The following POLQ variants were observed in gnomAD, a reference collection of about 807,000 sequenced individuals.
The protein encoded by POLQ is epididymis secretory sperm binding protein.
In POLQ, 233 loss-of-function variants were observed where a neutral mutation model predicts 259.2. The ratio of observed to expected loss-of-function variants is 0.90; its 90% confidence interval spans 0.81 to 1.00. The LOEUF is 1.00. Among genes scored for constraint, POLQ ranks in the 50% least tolerant of loss-of-function variants. The pLI is 0.00. For synonymous variants in POLQ, 1,025 were observed against 1,048.8 expected, an observed-to-expected ratio of 0.98 and a Z score of 0.44; for missense variants, 2,871 against 3,051.6, an observed-to-expected ratio of 0.94 and a Z score of 1.39.
At chr3:121,503,621 C>A (rs2048188963) in intron 12 of POLQ, among the ~76,000 whole-genome samples, 1 of 152,180 alleles carries the variant, frequency 6.6e-6, no homozygotes, top group Non-Finnish European at 1.5e-5. Context: ...ATAGCTGTCT[C>A]TTGTTATCTG....
At chr3:121,510,750 AG>A (rs944638851) in intron 10 of POLQ, among the ~76,000 whole-genome samples, 39 of 152,300 alleles carry the variant, frequency 2.6e-4, no homozygotes, top group African/African-American at 9.1e-4. Context: ...TAATGACAAC[AG>A]AAAAGTTCTC....
intron 13 of POLQ, 59 bp from the exon 14 acceptor site, chr3:121,496,991 G>C (rs1322976571): frequency 6.4e-7 from 1 of 1,573,512 alleles, no homozygotes; most frequent in Non-Finnish European, 8.6e-7. Context: ...AGGCGATACA[G>C]TGTGTTGAAA....
At chr3:121,452,043 G>C (rs927509668) in intron 25 of POLQ, among the ~76,000 whole-genome samples, 1 of 152,148 alleles carries the variant, frequency 6.6e-6, no homozygotes, top group African/African-American at 2.4e-5. Flanking sequence ...AGACTGCTGT[G>C]CTAGCAATGA....
intron 25 of POLQ, among the ~76,000 whole-genome samples, chr3:121,450,089 T>C (rs2047662133): frequency 6.6e-6 from 1 of 152,224 alleles, no homozygotes; most frequent in African/African-American, 2.4e-5. Flanking sequence ...TGTATCATCT[T>C]GCACAAGTCA....
chr3:121,469,137 G>A (rs1043998027), intron 22 of POLQ, among the ~76,000 whole-genome samples: 4 of 143,270 alleles, frequency 2.8e-5, no homozygotes, highest in Admixed American at 1.5e-4. Flanking sequence ...GCACTGAGCC[G>A]AGATCATGCC....
In POLQ at chr3:121,539,562, C is replaced by T. The variant is rs1281170466; in HGVS notation, c.502G>A (p.Val168Ile). ...QSLFQEVGIKVDGYMGSTSPS... is the reference protein window; with the variant it reads ...QSLFQEVGIKIDGYMGSTSPS... ...GAGGTGCTGCCCATATAACCGTCTA[C>T]TTTTATTCCTACTTCCTGAAACAGA... is the stretch of plus-strand genomic sequence containing the variant. The change falls in exon 4 of 30, where the codon GTA (valine) becomes ATA (isoleucine). Residue 168 changes from valine (V) to isoleucine (I), a missense_variant. This residue lies in a region of POLQ where 783 missense variants were observed against 906.2 expected (regional missense o/e 0.86). Coordinates refer to ENST00000264233, the MANE Select transcript of POLQ (RefSeq NM_199420.4). The T allele has an allele frequency of 1.2e-6, 2 of 1,612,738 alleles. No individual in the cohort carries two copies. Among genetic ancestry groups the T allele is most frequent in the African/African-American group, 1.3e-5 (1 of 74,858 alleles).
Position 121,493,697 on chromosome 3 carries a change from C to T in POLQ, c.2303G>A (p.Arg768His), listed in dbSNP as rs771964128. Reference protein sequence around the residue: ...YAGMITVFSNRLGWHNMELLL... With the variant: ...YAGMITVFSNHLGWHNMELLL... ...TAGTTCCATGTTGTGCCAGCCCAGA[C>T]GGTTGGAAAATACTGTAATCATCCC... is the stretch of plus-strand genomic sequence containing the variant. The change falls in exon 15 of 30, where the codon CGT becomes CAT. Residue 768 changes from arginine to histidine, a missense_variant. Physicochemically the swap from Arg to His is conservative, Grantham distance 29. This residue lies in a region of POLQ where 2,080 missense variants were observed against 2,126.0 expected (regional missense o/e 0.98). Coordinates refer to ENST00000264233, the MANE Select transcript of POLQ (RefSeq NM_199420.4). 77 of 1,613,522 alleles carry T rather than the reference C, an allele frequency of 4.8e-5. No homozygotes were observed. The highest frequency in any genetic ancestry group is 1.6e-4 in the Middle Eastern group (1 of 6,082).
At chr3:121,539,291 A>G in intron 4 of POLQ, 142 bp downstream of exon 4, 1 of 643,716 alleles carries the variant, frequency 1.6e-6, no homozygotes, top group East Asian at 2.8e-5. Flanking sequence ...CGTTCCTAAC[A>G]TTACAGATGC....
intron 14 of POLQ, among the ~76,000 whole-genome samples, chr3:121,495,570 G>A (rs2048112004): frequency 1.3e-5 from 2 of 151,826 alleles, no homozygotes; most frequent in African/African-American, 2.4e-5. Context: ...CCGGCCGGGC[G>A]CGGGTGGCTT....
chr3:121,489,353 T>C lies in POLQ; in HGVS notation c.3578A>G (p.Asn1193Ser), dbSNP rs1347999240. ...YMKHHDIHPI[N>S]QYLRKQSHEQ... ...ATGAGATTGCTTTCGCAGGTACTGG[T>C]TAATTGGATGGATGTCATGGTGTTT... The change falls in exon 16 of 30, where the codon AAC (asparagine) becomes AGC (serine). Residue 1193 changes from asparagine (N) to serine (S), a missense_variant. Asn to Ser is a conservative substitution (Grantham distance 46, BLOSUM62 1). Around this residue, in one of 3 missense-constraint regions of POLQ, gnomAD observed 2,080 missense variants for 2,126.0 expected, o/e 0.98. Transcript: ENST00000264233. The C allele has an allele frequency of 8.7e-6, 14 of 1,613,446 alleles. No individual in the cohort carries two copies. In the East Asian group the frequency reaches 3.1e-4, roughly 36 times the overall value.
Position 121,519,967 on chromosome 3 carries a change from T to C in POLQ, c.1372A>G (p.Ile458Val), listed in dbSNP as rs1273535898. The C allele has an allele frequency of 6.2e-7, 1 of 1,612,298 alleles. No homozygotes were observed. The highest frequency in any genetic ancestry group is 1.1e-5 in the South Asian group (1 of 91,018). ...SGVNLPARRV[I>V]IRTPIFGGRP... is the part of the protein sequence containing the mutation. ...CCACCAAAAATAGGGGTTCGAATAA[T>C]CACACGACGTGCAGGTAAATTCACC... Residue 458 changes from isoleucine to valine, a missense_variant, in exon 9 of 30, where the codon ATT becomes GTT. By Grantham distance (29) the Ile-to-Val change is conservative (BLOSUM62 3). This residue lies in a region of POLQ where 783 missense variants were observed against 906.2 expected (regional missense o/e 0.86). Coordinates refer to ENST00000264233, the MANE Select transcript of POLQ (RefSeq NM_199420.4).
At chr3:121,526,883 G>GTGTC (rs1447199460) in intron 7 of POLQ, among the ~76,000 whole-genome samples, 7 of 149,152 alleles carry the variant, frequency 4.7e-5, no homozygotes, top group African/African-American at 1.5e-4. Context: ...GTATGTGTGT[G>GTGTC]TGTGTGTGCG....
rs1235111193 is a variant in POLQ at position 121,489,766 on chromosome 3, G to C, written c.3165C>G (p.Ser1055Arg). 6.2e-7 allele frequency: 1 copy of C among 1,612,184 alleles called. No homozygotes were observed. The highest frequency in any genetic ancestry group is 2.2e-5 in the East Asian group (1 of 44,876). ...RKHLKRSRDS[S>R]PLKDSGACRI... is the part of the protein sequence containing the mutation. ...TACACGCTCCAGAGTCTTTCAGGGG[G>C]CTGCTGTCCCTAGATCGCTTTAGAT... Residue 1055 changes from serine (S) to arginine (R), a missense_variant, in exon 16 of 30, where the codon AGC becomes AGG. Transcript: ENST00000264233.
intron 23 of POLQ, among the ~76,000 whole-genome samples, 199 bp from the exon 24 acceptor site, chr3:121,467,839 G>A (rs41556716): frequency 3.9e-5 from 6 of 152,164 alleles, no homozygotes; most frequent in African/African-American, 1.4e-4. Context: ...CCAGGAGTTC[G>A]GGTCTAGTTA....
rs201717586 is a variant in POLQ at position 121,472,162 on chromosome 3, G to A, written c.6546C>T (p.Asp2182=). 1.1e-5 allele frequency: 15 copies of A among 1,405,976 alleles called. No individual in the cohort carries two copies. The highest frequency in any genetic ancestry group is 1.3e-5 in the Non-Finnish European group (14 of 1,041,534). The allele number at this position is 1,405,976 out of a possible 1,614,324, so 87.1% of individuals were successfully genotyped here. A position where few individuals can be genotyped will look rare whatever the true frequency, so the allele number is the denominator to read the frequency against. Residue 2182 remains aspartate (D), a splice_region_variant and synonymous_variant, in exon 22 of 30, where the codon GAC becomes GAT. Transcript: ENST00000264233. ...GTAATGCCTTTAATTTATTTAAAACGTCCTGCCAAAAAAATATAAGGTAAG... is the reference window on the plus strand; with the variant it reads ...GTAATGCCTTTAATTTATTTAAAACATCCTGCCAAAAAAATATAAGGTAAG... ...RLGRQFSTSK[D]VLNKLKALHP... is the part of the protein sequence containing the mutation.
rs893985918 is a variant in POLQ at position 121,443,747 on chromosome 3, T to A, written c.7265-3631A>T. ...CAATTTGAGGTCTTAAAGTTTTTAATCCATTTTGATTTTATTTTGTATATA... is the reference window on the plus strand; with the variant it reads ...CAATTTGAGGTCTTAAAGTTTTTAAACCATTTTGATTTTATTTTGTATATA... On this transcript the variant is annotated intron_variant, in intron 26 of 29. Transcript: ENST00000264233. 7.2e-5 allele frequency among the ~76,000 whole-genome samples: 11 copies of A among 152,192 alleles called. 1 individual carries two copies. The highest frequency in any genetic ancestry group is 2.6e-4 in the Admixed American group (4 of 15,274).
At chr3:121,505,276 T>C (rs757917962) in intron 12 of POLQ, among the ~76,000 whole-genome samples, 1 of 152,228 alleles carries the variant, frequency 6.6e-6, no homozygotes, top group Non-Finnish European at 1.5e-5. Context: ...GTGCTTCCTG[T>C]ACAGCCTGCA....
At chr3:121,516,779 A>G (rs938305566) in intron 9 of POLQ, among the ~76,000 whole-genome samples, 1 of 152,258 alleles carries the variant, frequency 6.6e-6, no homozygotes, top group African/African-American at 2.4e-5. Flanking sequence ...TACAAAAAGC[A>G]TGACCAAGTA....
chr3:121,493,962 A>G, intron 14 of POLQ: 1 of 597,966 alleles, frequency 1.7e-6, no homozygotes, highest in Non-Finnish European at 3.0e-6. Context: ...CTTAATCCTC[A>G]AGTTAATACA....
Sources: gnomAD v4.1 joint callset for allele counts (sites outside exome capture counted in the v4.1 genomes callset) on GRCh38, gnomAD v4.1.1 for gene constraint, gnomAD v4.1.1 regional missense constraint, MANE v1.5 for transcripts, NCBI Gene and HGNC (gene_info 2026-07-23, HGNC 2026-07-21) for gene names.